Variants in CAVIN4 observed in about 807,000 individuals in gnomAD.
CAVIN4 encodes the protein caveolae associated protein 4, also known as caveolae-associated protein 4.
In CAVIN4, 10 loss-of-function variants were observed where a neutral mutation model predicts 18.6. The ratio of observed to expected loss-of-function variants is 0.54; its 90% CI spans 0.33 to 0.91. The LOEUF (loss-of-function observed/expected upper bound fraction) is 0.91, where lower values mean the gene tolerates loss of function less well. CAVIN4 is among the 40% of genes least tolerant of loss of function. The probability of loss-of-function intolerance (pLI) is 0.02; values close to 1 mark genes in which losing one functional copy is unlikely to be tolerated. For missense variants in CAVIN4, 459 were observed against 440.5 expected (o/e 1.04, Z -0.38); for synonymous variants, 173 against 164.8 (o/e 1.05, Z -0.38).
chr9:100,586,871 T>G lies in CAVIN4; in HGVS notation c.*420T>G, dbSNP rs763836010. 21 of 155,940 alleles carry G rather than the reference T, an allele frequency of 1.3e-4. No individual in the cohort carries two copies. The highest frequency in any genetic ancestry group is 2.5e-4 in the Non-Finnish European group (18 of 70,660). 9.7% of individuals were successfully genotyped at this position (155,940 alleles called of 1,614,324 possible). A position where few individuals can be genotyped will look rare whatever the true frequency, so the allele number is the denominator to read the frequency against. On this transcript the variant is annotated 3_prime_UTR_variant, in exon 2 of 2. Transcript: ENST00000307584. The stretch of plus-strand genomic sequence containing the variant: ...ACACCCCTTTTTTGATGCTTTCACA[T>G]TAAAAAATTGAAGTTTTGGACTTGA...
rs1214598136 is a variant in CAVIN4 at position 100,588,095 on chromosome 9, A to G, written c.*1644A>G. Among the ~76,000 whole-genome samples, 2 of 152,208 alleles carry G rather than the reference A, an allele frequency of 1.3e-5. No homozygotes were observed. Among genetic ancestry groups the G allele is most frequent in the Non-Finnish European group, 2.9e-5 (2 of 68,044 alleles). The stretch of plus-strand genomic sequence containing the variant: ...ATATGGTAGTTAAAATAATAAGTGT[A>G]CACATATACACACAGGCATACATAA... On this transcript the variant is annotated 3_prime_UTR_variant, in exon 2 of 2. Coordinates refer to ENST00000307584, the MANE Select transcript of CAVIN4 (RefSeq NM_001018116.2).
intron 1 of CAVIN4, among the ~76,000 whole-genome samples, chr9:100,583,298 C>T (rs1031300010): frequency 2.0e-5 from 3 of 152,188 alleles, no homozygotes; most frequent in African/African-American, 7.2e-5. Context: ...TCTCTTCCTC[C>T]TGCTGTCTCC....
At position 100,583,634 on chromosome 9, in the gene CAVIN4, TTCATTCATTCATTCATTCA is replaced by T. The variant is rs1478227345; in HGVS notation, c.409-2129_409-2111del. ...AGCCATTTATTCATTCATTCATTCA[TTCATTCATTCATTCATTCA>T]TTCATTTTTTTTAGACAGAGTCTTG... On this transcript the variant is annotated intron_variant, in intron 1 of 1. Transcript: ENST00000307584. 2.2e-4 allele frequency among the ~76,000 whole-genome samples: 13 copies of T among 60,054 alleles called. 1 individual carries two copies. The highest frequency in any genetic ancestry group is 4.7e-4 in the Non-Finnish European group (11 of 23,292). The allele number at this position is 60,054 out of a possible 152,430, so 39.4% of individuals were successfully genotyped here. A position where few individuals can be genotyped will look rare whatever the true frequency, so the allele number is the denominator to read the frequency against.
Position 100,586,235 on chromosome 9 carries a change from TG to T in CAVIN4, c.880del (p.Val294TrpfsTer47). ...EGEECAREMG[V>X]DIIARSESLG... The stretch of plus-strand genomic sequence containing the variant: ...GTGAGGAATGTGCCAGGGAGATGGG[TG>T]TGGACATCATTGCCAGGAGCGAGTC... On this transcript the variant is annotated frameshift_variant, in exon 2 of 2. Coordinates refer to ENST00000307584, the MANE Select transcript of CAVIN4 (RefSeq NM_001018116.2). 1 of 1,572,402 alleles carries T rather than the reference TG, an allele frequency of 6.4e-7. No individual in the cohort carries two copies. Among genetic ancestry groups the T allele is most frequent in the Non-Finnish European group, 8.6e-7 (1 of 1,159,188 alleles).
At chr9:100,577,995 G>C, upstream of CAVIN4, 1 of 692,196 alleles carries the variant, frequency 1.4e-6, no homozygotes, top group Non-Finnish European at 2.5e-6. Flanking sequence ...TCACATATGG[G>C]TATTTGTAGT....
chr9:100,583,192 A>C (rs1278611452), intron 1 of CAVIN4, among the ~76,000 whole-genome samples: 2 of 152,252 alleles, frequency 1.3e-5, no homozygotes, highest in Non-Finnish European at 2.9e-5. Context: ...TCTGAATTCC[A>C]GACTCATCTA....
chr9:100,577,403 G>A (rs1038407646), upstream of CAVIN4: 3 of 152,560 alleles, frequency 2.0e-5, no homozygotes, highest in Non-Finnish European at 4.4e-5. Context: ...TGCTCTTAAA[G>A]TGAGCTTAAA....
chr9:100,584,814 G>A (rs896180416), intron 1 of CAVIN4, among the ~76,000 whole-genome samples: 1 of 152,150 alleles, frequency 6.6e-6, no homozygotes, highest in Non-Finnish European at 1.5e-5. Flanking sequence ...CTCGCAGTTC[G>A]AGTCCAGCCT....
intron 1 of CAVIN4, among the ~76,000 whole-genome samples, chr9:100,581,660 G>T (rs1839428755): frequency 1.3e-5 from 2 of 152,126 alleles, no homozygotes; most frequent in African/African-American, 4.8e-5. Flanking sequence ...TTTAAAGCCT[G>T]ATTTTATATT....
At chr9:100,576,870 A>C, upstream of CAVIN4, 1 of 287,008 alleles carries the variant, frequency 3.5e-6, no homozygotes, top group Non-Finnish European at 6.5e-6. Context: ...ATATTTTTGC[A>C]AAGATGGACT....
At chr9:100,581,666 A>T (rs1048556801) in intron 1 of CAVIN4, among the ~76,000 whole-genome samples, 5 of 152,102 alleles carry the variant, frequency 3.3e-5, no homozygotes, top group Admixed American at 3.3e-4. Flanking sequence ...GCCTGATTTT[A>T]TATTATTTGT....
Position 100,586,028 on chromosome 9 carries a change from A to T in CAVIN4, c.672A>T (p.Arg224Ser). The T allele has an allele frequency of 6.2e-7, 1 of 1,614,190 alleles. No homozygotes were observed. The highest frequency in any genetic ancestry group is 8.5e-7 in the Non-Finnish European group (1 of 1,180,022). ...AGAAAGTGAACAGAATTAGAACTAG[A>T]ATAGTGACCCCGGAGAGGAGAGAGA... The part of the protein sequence containing the change: ...LDKKVNRIRT[R>S]IVTPERRERL... The change falls in exon 2 of 2, where the codon AGA becomes AGT. Residue 224 changes from arginine (R) to serine (S), a missense_variant. By Grantham distance (110) the Arg-to-Ser change is moderately radical. Transcript: ENST00000307584.
At chr9:100,581,777 T>C (rs1587866851) in intron 1 of CAVIN4, among the ~76,000 whole-genome samples, 1 of 152,208 alleles carries the variant, frequency 6.6e-6, no homozygotes, top group Non-Finnish European at 1.5e-5. Flanking sequence ...AATTAACTTT[T>C]GGCTCTTTCG....
intron 1 of CAVIN4, among the ~76,000 whole-genome samples, chr9:100,580,791 C>T (rs1015740879): frequency 6.6e-5 from 10 of 151,982 alleles, no homozygotes; most frequent in South Asian, 2.1e-4. Context: ...AGCAGCAGTT[C>T]GTCAAAAAGT....
Position 100,586,225 on chromosome 9 carries a change from G to A in CAVIN4, c.869G>A (p.Arg290Lys). 2 of 1,563,994 alleles carry A rather than the reference G, an allele frequency of 1.3e-6. No individual in the cohort carries two copies. The highest frequency in any genetic ancestry group is 8.6e-7 in the Non-Finnish European group (1 of 1,156,538). The change falls in exon 2 of 2, where the codon AGG (arginine) becomes AAG (lysine). Residue 290 changes from arginine to lysine, a missense_variant. Transcript: ENST00000307584. ...RTVAEGEECA[R>K]EMGVDIIARS... ...GTGGCTGAAGGTGAGGAATGTGCCA[G>A]GGAGATGGGTGTGGACATCATTGCC... is the stretch of plus-strand genomic sequence containing the variant.
intron 1 of CAVIN4, among the ~76,000 whole-genome samples, chr9:100,583,613 AT>A (rs1193461999): frequency 8.4e-6 from 1 of 119,566 alleles, no homozygotes; most frequent in Non-Finnish European, 2.0e-5. Context: ...CCTGCAAGCC[AT>A]TTATTCATTC....
At position 100,586,557 on chromosome 9, in the gene CAVIN4, T is replaced by A; in HGVS notation, c.*106T>A. 1 of 716,180 alleles carries A rather than the reference T, an allele frequency of 1.4e-6. No individual in the cohort carries two copies. Among genetic ancestry groups the A allele is most frequent in the South Asian group, 2.3e-5 (1 of 42,570 alleles). The allele number at this position is 716,180 out of a possible 1,614,324, so 44.4% of individuals were successfully genotyped here. A position where few individuals can be genotyped will look rare whatever the true frequency, so the allele number is the denominator to read the frequency against. ...TGCCATGTAGGAAAACATAAATGTA[T>A]TTTTTTTCTTATATTTAAAATCTTG... is the stretch of plus-strand genomic sequence containing the variant. On this transcript the variant is annotated 3_prime_UTR_variant, in exon 2 of 2. Coordinates refer to ENST00000307584, the MANE Select transcript of CAVIN4 (RefSeq NM_001018116.2).
chr9:100,580,706 G>T (rs1202577976), intron 1 of CAVIN4, among the ~76,000 whole-genome samples: 1 of 152,224 alleles, frequency 6.6e-6, no homozygotes, highest in Admixed American at 6.5e-5. Context: ...ACTGAAGGGT[G>T]CTAGTTTAGG....
intron 1 of CAVIN4, among the ~76,000 whole-genome samples, chr9:100,583,703 G>A (rs968276072): frequency 2.0e-5 from 3 of 151,544 alleles, no homozygotes; most frequent in Non-Finnish European, 4.4e-5. Flanking sequence ...CTGGAGGGCA[G>A]TGGCACAATC....
Sources: allele counts gnomAD v4.1 joint callset (sites outside exome capture counted in the v4.1 genomes callset), GRCh38; gene constraint gnomAD v4.1.1; transcripts MANE v1.5; gene names NCBI Gene and HGNC (gene_info 2026-07-23, HGNC 2026-07-21).